ADGRB3: variants seen among roughly 807,000 people sequenced by gnomAD.
ADGRB3 encodes the protein brain-specific angiogenesis inhibitor 3.
ADGRB3 carries 37 observed loss-of-function variants against 193.4 expected under a neutral mutation model. The observed-to-expected ratio is 0.19, with a 90% CI of 0.15 to 0.25. The LOEUF is 0.25. Among genes scored for constraint, ADGRB3 ranks in the 10% least tolerant of loss-of-function variants. The pLI is 1.00. For missense variants in ADGRB3, 1,637 were observed against 1,852.9 expected (o/e 0.88, Z 2.14); for synonymous variants, 690 against 644.2 (o/e 1.07, Z -1.08).
chr6:68,904,272 T>C (rs1582301719), intron 3 of ADGRB3, among the ~76,000 whole-genome samples: 1 of 152,118 alleles, frequency 6.6e-6, no homozygotes, highest in Admixed American at 6.6e-5. Context: ...CACCTAAACA[T>C]AGAAAAAGTA....
intron 3 of ADGRB3, among the ~76,000 whole-genome samples, chr6:68,737,539 TC>T (rs920157618): frequency 2.0e-5 from 3 of 151,970 alleles, no homozygotes; most frequent in African/African-American, 7.3e-5. Flanking sequence ...TGCCACTTGT[TC>T]CCCCATACAA....
chr6:68,821,400 C>G (rs1004171975), intron 3 of ADGRB3, among the ~76,000 whole-genome samples: 3 of 151,868 alleles, frequency 2.0e-5, no homozygotes, highest in African/African-American at 4.8e-5. Flanking sequence ...CCACTGTACA[C>G]TACTCTCACT....
chr6:68,677,266 A>G (rs531367579), intron 3 of ADGRB3, among the ~76,000 whole-genome samples: 1 of 152,302 alleles, frequency 6.6e-6, no homozygotes, highest in South Asian at 2.1e-4. Flanking sequence ...CCTAACTAGT[A>G]AAAGATGTAC....
intron 3 of ADGRB3, among the ~76,000 whole-genome samples, chr6:68,877,564 G>C (rs573726868): frequency 6.6e-6 from 1 of 152,168 alleles, no homozygotes; most frequent in South Asian, 2.1e-4. Flanking sequence ...CTTCCAAATG[G>C]ATATTCCTAA....
chr6:68,948,484 G>T (rs1767831706), intron 6 of ADGRB3, among the ~76,000 whole-genome samples: 3 of 151,916 alleles, frequency 2.0e-5, no homozygotes, highest in South Asian at 4.2e-4. Flanking sequence ...AAATTATATA[G>T]ATATATATAC....
chr6:69,287,222 A>G lies in ADGRB3; in HGVS notation c.2815-37650A>G, dbSNP rs573801012. Among the ~76,000 whole-genome samples the G allele has an allele frequency of 2.0e-5, 3 of 152,210 alleles. No individual in the cohort carries two copies. The South Asian group carries it at 6.2e-4, about 32-fold the overall frequency. On this transcript the variant is annotated intron_variant, in intron 20 of 31. Coordinates refer to ENST00000370598, the MANE Select transcript of ADGRB3 (RefSeq NM_001704.3). The stretch of plus-strand genomic sequence containing the variant: ...TTCAAGTTTATGCCACTTGTGTTCA[A>G]TTTCTGAGTCCACTCTGTACCTGTT...
At chr6:69,377,170 G>GTTTT (rs1769843303) in intron 30 of ADGRB3, among the ~76,000 whole-genome samples, 2 of 151,952 alleles carry the variant, frequency 1.3e-5, no homozygotes, top group African/African-American at 4.8e-5. Flanking sequence ...ATTCACTTTA[G>GTTTT]GCTAATATTC....
chr6:68,697,628 T>C (rs991656390), intron 3 of ADGRB3, among the ~76,000 whole-genome samples: 8 of 151,968 alleles, frequency 5.3e-5, no homozygotes, highest in African/African-American at 1.9e-4. Flanking sequence ...TCCTCAGACT[T>C]CCTTGTCTTC....
intron 22 of ADGRB3, 141 bp downstream of exon 22, chr6:69,328,030 G>A: frequency 1.7e-6 from 1 of 584,562 alleles, no homozygotes; most frequent in Non-Finnish European, 2.7e-6. Flanking sequence ...ACAAAACAAG[G>A]TAGCTTAAAT....
At chr6:68,938,440 GTATATATATATATA>G (rs59120080) in intron 5 of ADGRB3, among the ~76,000 whole-genome samples, 5,370 of 144,650 alleles carry the variant, frequency 0.037, 261 homozygotes, top group African/African-American at 0.12. Context: ...ATATTTTGAG[GTATATATATATATA>G]TATATATATA....
intron 20 of ADGRB3, among the ~76,000 whole-genome samples, chr6:69,243,040 G>A (rs1766417258): frequency 6.6e-6 from 1 of 151,780 alleles, no homozygotes; most frequent in African/African-American, 2.4e-5. Context: ...TGCTTCAAAG[G>A]ACTTTAAGGA....
At chr6:68,883,052 A>G (rs548458413) in intron 3 of ADGRB3, among the ~76,000 whole-genome samples, 1 of 151,876 alleles carries the variant, frequency 6.6e-6, no homozygotes, top group Non-Finnish European at 1.5e-5. Flanking sequence ...CGCCACAATT[A>G]CCAGCTAATT....
intron 3 of ADGRB3, among the ~76,000 whole-genome samples, chr6:68,888,364 T>A (rs536580631): frequency 1.3e-5 from 2 of 152,272 alleles, no homozygotes; most frequent in African/African-American, 4.8e-5. Flanking sequence ...ACGGTTGAAT[T>A]CATTCTTGTA....
intron 3 of ADGRB3, among the ~76,000 whole-genome samples, chr6:68,750,496 T>C (rs1259092724): frequency 6.6e-6 from 1 of 152,232 alleles, no homozygotes; most frequent in Non-Finnish European, 1.5e-5. Context: ...TCAAATGTAG[T>C]TCATCTATAT....
intron 3 of ADGRB3, among the ~76,000 whole-genome samples, chr6:68,660,930 G>C (rs1026577345): frequency 6.6e-6 from 1 of 150,452 alleles, no homozygotes; most frequent in African/African-American, 2.4e-5. Flanking sequence ...ATGATTCTTA[G>C]TGTTTTCCTT....
In ADGRB3 at chr6:68,777,683, A is replaced by C. The variant is rs564019248; in HGVS notation, c.757+138251A>C. Among the ~76,000 whole-genome samples, 772 of 151,706 alleles carry C rather than the reference A, an allele frequency of 5.1e-3. 3 individuals are homozygous for C. The highest frequency in any genetic ancestry group is 7.0e-3 in the Non-Finnish European group (472 of 67,852). The stretch of plus-strand genomic sequence containing the variant: ...CTCTGGGATCTAAAAAAAAAAAAAA[A>C]AAAAACGACTACTAAACATGAGCAG... On this transcript the variant is annotated intron_variant, in intron 3 of 31. Transcript: ENST00000370598.
At chr6:68,996,581 C>T (rs1389996358) in intron 11 of ADGRB3, among the ~76,000 whole-genome samples, 1 of 152,112 alleles carries the variant, frequency 6.6e-6, no homozygotes, top group Non-Finnish European at 1.5e-5. Flanking sequence ...GGTAAATGAA[C>T]CACTTCCTGA....
chr6:68,889,212 A>G (rs1021575264), intron 3 of ADGRB3, among the ~76,000 whole-genome samples: 7 of 152,314 alleles, frequency 4.6e-5, no homozygotes, highest in Middle Eastern at 6.8e-3. Flanking sequence ...ACAAATTCAC[A>G]TTGGTTTACG....
chr6:69,170,066 G>A (rs948539310), intron 17 of ADGRB3, among the ~76,000 whole-genome samples: 3 of 152,094 alleles, frequency 2.0e-5, no homozygotes, highest in African/African-American at 2.4e-5. Context: ...TGACCCTAAG[G>A]AGAAGTTTTG....
Sources: gnomAD v4.1 joint callset for allele counts (sites outside exome capture counted in the v4.1 genomes callset) on GRCh38, gnomAD v4.1.1 for gene constraint, MANE v1.5 for transcripts, NCBI Gene and HGNC (gene_info 2026-07-23, HGNC 2026-07-21) for gene names.